The following FRMD5 variants were observed in gnomAD, a reference collection of about 807,000 sequenced individuals.
FRMD5 encodes the protein FERM domain-containing protein 5.
Under a neutral mutation model 69.0 loss-of-function variants are expected in FRMD5, and 20 were observed. That is an observed-to-expected ratio of 0.29 (90% CI 0.20 to 0.42). The LOEUF (loss-of-function observed/expected upper bound fraction) is 0.42, where lower values mean the gene tolerates loss of function less well. Ranked by LOEUF, FRMD5 falls within the 10% of genes least tolerant of loss-of-function variation. The pLI is 1.00. For missense variants in FRMD5, 595 were observed against 708.6 expected (o/e 0.84, Z 1.82); for synonymous variants, 271 against 260.1 (o/e 1.04, Z -0.40).
At position 43,960,752 on chromosome 15, in the gene FRMD5, G is replaced by A. The variant is rs77027299; in HGVS notation, c.103-36443C>T. On this transcript the variant is annotated intron_variant, in intron 1 of 13. Transcript: ENST00000417257. ...CAACAGTTCTCCTTAGGTCTGTTTC[G>A]CAATCAGTAAAAGATAAATAAGAAA... Among the ~76,000 whole-genome samples, 1,126 of 152,192 alleles carry A rather than the reference G, an allele frequency of 7.4e-3. 22 individuals are homozygous for A. The highest frequency in any genetic ancestry group is 0.056 in the East Asian group (291 of 5,174).
Position 43,873,610 on chromosome 15 carries a change from A to C in FRMD5, c.*275T>G. On this transcript the variant is annotated 3_prime_UTR_variant, in exon 14 of 14. Transcript: ENST00000417257. Reference sequence around the variant, plus strand: ...GAAAAATCAAAATTCAAAACCAAAAATTATCCTGCAAATTGGAAAGATGAG... The same window carrying C: ...GAAAAATCAAAATTCAAAACCAAAACTTATCCTGCAAATTGGAAAGATGAG... The C allele has an allele frequency of 6.9e-7, 1 of 1,454,198 alleles. No homozygotes were observed. Among genetic ancestry groups the C allele is most frequent in the Non-Finnish European group, 9.0e-7 (1 of 1,111,750 alleles). 90.1% of individuals were successfully genotyped at this position (1,454,198 alleles called of 1,614,324 possible).
chr15:43,953,030 A>C (rs897581213), intron 1 of FRMD5, among the ~76,000 whole-genome samples: 2 of 152,202 alleles, frequency 1.3e-5, no homozygotes, highest in African/African-American at 4.8e-5. Flanking sequence ...CAGTTCCACT[A>C]AGGCTTTGTC....
At position 43,872,992 on chromosome 15, in the gene FRMD5, T is replaced by A. The variant is rs1049152520; in HGVS notation, c.*893A>T. 1 of 589,758 alleles carries A rather than the reference T, an allele frequency of 1.7e-6. No homozygotes were observed. Among genetic ancestry groups the A allele is most frequent in the Non-Finnish European group, 2.9e-6 (1 of 340,276 alleles). The allele number at this position is 589,758 out of a possible 1,614,324, so 36.5% of individuals were successfully genotyped here. A position where few individuals can be genotyped will look rare whatever the true frequency, so the allele number is the denominator to read the frequency against. The stretch of plus-strand genomic sequence containing the variant: ...TAACTCTGCTTTCTCTTAACTACAC[T>A]TTGTCCAACATTTCTGACAGAACTA... On this transcript the variant is annotated 3_prime_UTR_variant, in exon 14 of 14. Transcript: ENST00000417257.
At chr15:44,189,578 T>A (rs575610863) in intron 1 of FRMD5, among the ~76,000 whole-genome samples, 1 of 149,110 alleles carries the variant, frequency 6.7e-6, no homozygotes, top group Non-Finnish European at 1.5e-5. Context: ...AAGCTCCACC[T>A]CCCGGGTTCA....
At chr15:43,919,234 G>GTAT in intron 4 of FRMD5, 1 of 679,562 alleles carries the variant, frequency 1.5e-6, no homozygotes, top group South Asian at 1.5e-5. Flanking sequence ...TCAAGAGGTA[G>GTAT]TATTCACACT....
At chr15:43,878,856 C>T (rs1421172889) in intron 13 of FRMD5, among the ~76,000 whole-genome samples, 1 of 150,644 alleles carries the variant, frequency 6.6e-6, no homozygotes, top group Non-Finnish European at 1.5e-5. Context: ...CCTGGAGCCA[C>T]ATCATACTGG....
At chr15:44,021,757 T>C (rs530189735) in intron 1 of FRMD5, among the ~76,000 whole-genome samples, 6 of 152,282 alleles carry the variant, frequency 3.9e-5, no homozygotes, top group Non-Finnish European at 8.8e-5. Flanking sequence ...AAATTAAACA[T>C]GGAATTACCA....
intron 6 of FRMD5, among the ~76,000 whole-genome samples, chr15:43,904,921 C>T (rs566463479): frequency 6.6e-6 from 1 of 152,250 alleles, no homozygotes; most frequent in South Asian, 2.1e-4. Context: ...CTCCACTTCT[C>T]TCTGTGCAAA....
At chr15:43,941,773 G>C (rs185560866) in intron 1 of FRMD5, among the ~76,000 whole-genome samples, 268 of 152,306 alleles carry the variant, frequency 1.8e-3, no homozygotes, top group Non-Finnish European at 7.9e-4. Flanking sequence ...CGTTGCTCCT[G>C]TGAGCTCAGC....
chr15:44,149,057 T>C (rs552590292), intron 1 of FRMD5, among the ~76,000 whole-genome samples: 2 of 152,308 alleles, frequency 1.3e-5, no homozygotes, highest in African/African-American at 4.8e-5. Context: ...AAGAGACTCA[T>C]GTATTAAAAA....
intron 4 of FRMD5, among the ~76,000 whole-genome samples, chr15:43,918,468 T>G (rs1441170127): frequency 1.3e-5 from 2 of 152,184 alleles, no homozygotes; most frequent in Non-Finnish European, 2.9e-5. Flanking sequence ...TCTTCCCTCC[T>G]CCTTTTCTGT....
intron 11 of FRMD5, 57 bp downstream of exon 11, chr15:43,885,624 T>A: frequency 3.5e-6 from 5 of 1,435,870 alleles, no homozygotes; most frequent in Non-Finnish European, 4.9e-6. Flanking sequence ...ACCACTGAGT[T>A]CTCCAGAGAA....
chr15:43,900,720 C>T (rs1469365030), intron 7 of FRMD5, among the ~76,000 whole-genome samples: 3 of 151,432 alleles, frequency 2.0e-5, no homozygotes, highest in Non-Finnish European at 4.4e-5. Context: ...CGAGTTCATG[C>T]GATTCTCCTG....
chr15:43,974,125 T>C (rs963665897), intron 1 of FRMD5, among the ~76,000 whole-genome samples: 1 of 151,734 alleles, frequency 6.6e-6, no homozygotes, highest in African/African-American at 2.4e-5. Context: ...AGTGGAACAG[T>C]TGGAATCAGC....
At position 44,187,076 on chromosome 15, in the gene FRMD5, T is replaced by C. The variant is rs1205732915; in HGVS notation, c.102+7877A>G. 2.0e-5 allele frequency among the ~76,000 whole-genome samples: 3 copies of C among 152,240 alleles called. No homozygotes were observed. The East Asian group carries it at 5.8e-4, about 29-fold the overall frequency. On this transcript the variant is annotated intron_variant, in intron 1 of 13. Coordinates refer to ENST00000417257, the MANE Select transcript of FRMD5 (RefSeq NM_032892.5). The stretch of plus-strand genomic sequence containing the variant: ...TTAATGCACAATTGGGGCTGCACTG[T>C]ATTCATCAAAGGATTTTCAAACATC...
chr15:43,949,662 G>A (rs1298024611), intron 1 of FRMD5, among the ~76,000 whole-genome samples: 1 of 152,168 alleles, frequency 6.6e-6, no homozygotes, highest in African/African-American at 2.4e-5. Flanking sequence ...AGCCAATGGT[G>A]TTTTTTGTAA....
At chr15:43,957,098 C>T (rs2090126907) in intron 1 of FRMD5, among the ~76,000 whole-genome samples, 1 of 152,132 alleles carries the variant, frequency 6.6e-6, no homozygotes, top group Non-Finnish European at 1.5e-5. Flanking sequence ...CACAAAAATC[C>T]TCAGAAATTT....
At chr15:44,120,689 A>ATT (rs5812266) in intron 1 of FRMD5, among the ~76,000 whole-genome samples, 121,984 of 148,446 alleles carry the variant, frequency 0.82, 52,632 homozygotes, top group Non-Finnish European at 0.95. Flanking sequence ...CGCCCAGCTA[A>ATT]TTTTTTTTTT....
intron 1 of FRMD5, among the ~76,000 whole-genome samples, chr15:43,952,028 G>A (rs1229232300): frequency 6.7e-6 from 1 of 149,832 alleles, no homozygotes; most frequent in African/African-American, 2.5e-5. Context: ...GTGTGTGTGT[G>A]TGTGTGTGTG....
Sources: allele counts gnomAD v4.1 joint callset (sites outside exome capture counted in the v4.1 genomes callset), GRCh38; gene constraint gnomAD v4.1.1; transcripts MANE v1.5; gene names NCBI Gene and HGNC (gene_info 2026-07-23, HGNC 2026-07-21).